TPST2: variants seen among roughly 807,000 people sequenced by gnomAD.
TPST2 encodes protein-tyrosine sulfotransferase 2.
In TPST2, 16 loss-of-function variants were observed where a neutral mutation model predicts 27.8. That is an observed-to-expected ratio of 0.58 (90% CI 0.39 to 0.88). The LOEUF (loss-of-function observed/expected upper bound fraction) is 0.88. Ranked by LOEUF, TPST2 falls within the 40% of genes least tolerant of loss-of-function variation. The pLI is 0.00. For missense variants in TPST2, 464 were observed against 543.1 expected, an observed-to-expected ratio of 0.85 and a Z score of 1.45; for synonymous variants, 229 against 231.7, an observed-to-expected ratio of 0.99 and a Z score of 0.10.
At chr22:26,583,414 G>A (rs1217756144) in intron 1 of TPST2, among the ~76,000 whole-genome samples, 3 of 131,628 alleles carry the variant, frequency 2.3e-5, no homozygotes, top group East Asian at 4.6e-4. Flanking sequence ...TCCAGCCTGG[G>A]CGACAGAAGG....
chr22:26,546,076 CAAAAAAAAAA>C (rs756682739), intron 1 of TPST2, among the ~76,000 whole-genome samples: 2 of 69,786 alleles, frequency 2.9e-5, no homozygotes, highest in Admixed American at 1.7e-4. Context: ...GACCACGTCT[CAAAAAAAAAA>C]AAAAAGAAAA....
chr22:26,553,333 G>GT (rs1446963717), intron 1 of TPST2, among the ~76,000 whole-genome samples: 1 of 151,126 alleles, frequency 6.6e-6, no homozygotes, highest in Non-Finnish European at 1.5e-5. Context: ...CTGTTGCCAC[G>GT]TAAGGACTAG....
In TPST2 at chr22:26,541,908, G is replaced by T. The variant is rs1925869004; in HGVS notation, c.-88-190C>A. ...TCAATTTTTTTTGTTTTTTTAAAGA[G>T]ATGGGGTCTCACCATGTTTCCCAGG... On this transcript the variant is annotated intron_variant, in intron 2 of 6. Transcript: ENST00000338754. The surrounding 1 kb of genome is among the most constrained non-coding windows in gnomAD (Gnocchi z 5.9). Among the ~76,000 whole-genome samples, 1 of 152,076 alleles carries T rather than the reference G, an allele frequency of 6.6e-6. No homozygotes were observed. Among genetic ancestry groups the T allele is most frequent in the African/African-American group, 2.4e-5 (1 of 41,392 alleles).
At chr22:26,579,122 C>A (rs1208060906) in intron 1 of TPST2, among the ~76,000 whole-genome samples, 1 of 152,204 alleles carries the variant, frequency 6.6e-6, no homozygotes, top group South Asian at 2.1e-4. Context: ...TCCCAGAGTG[C>A]TGGGATTATG....
At chr22:26,536,253 A>G (rs1925456018) in intron 4 of TPST2, 35 bp downstream of exon 4, 1 of 1,612,392 alleles carries the variant, frequency 6.2e-7, no homozygotes, top group South Asian at 1.1e-5. Context: ...CATATCCCCA[A>G]GAGTACACTT....
intron 1 of TPST2, among the ~76,000 whole-genome samples, chr22:26,589,245 T>G (rs1928459463): frequency 6.6e-6 from 1 of 151,996 alleles, no homozygotes; most frequent in Admixed American, 6.5e-5. Flanking sequence ...TTCTAATGAC[T>G]CTGCTGAGGT....
At chr22:26,555,940 G>A (rs564097093) in intron 1 of TPST2, among the ~76,000 whole-genome samples, 1 of 152,346 alleles carries the variant, frequency 6.6e-6, no homozygotes, top group East Asian at 1.9e-4. Flanking sequence ...GCAGCATGAG[G>A]ACTCAAACCC....
In TPST2 at chr22:26,541,186, C is replaced by T. The variant is rs370505161; in HGVS notation, c.445G>A (p.Gly149Arg). The T allele has an allele frequency of 1.9e-6, 3 of 1,593,426 alleles. No individual in the cohort carries two copies. The highest frequency in any genetic ancestry group is 2.6e-6 in the Non-Finnish European group (3 of 1,167,568). ...TTGCAGAGCACGCGGGCCGGCTCTC[C>T]GTGCTTGGCAATCACCTCCAGGATG... ...AFILEVIAKH[G>R]EPARVLCNKD... The change falls in exon 3 of 7, where the codon GGA (glycine) becomes AGA (arginine). Residue 149 changes from glycine (G) to arginine (R), a missense_variant. By Grantham distance (125) the Gly-to-Arg change is moderately radical. Transcript: ENST00000338754. This position sits in a 1 kb window ranked among gnomAD's most constrained non-coding sequence, Gnocchi z 5.9.
intron 1 of TPST2, among the ~76,000 whole-genome samples, chr22:26,555,515 C>A (rs908126660): frequency 1.3e-5 from 2 of 152,372 alleles, no homozygotes; most frequent in African/African-American, 4.8e-5. Context: ...AAAACGGCAC[C>A]TACCTTGTGG....
chr22:26,530,485 G>T (rs978433784), intron 5 of TPST2, among the ~76,000 whole-genome samples: 3 of 152,016 alleles, frequency 2.0e-5, no homozygotes, highest in African/African-American at 4.8e-5. Context: ...CCTCTCTTCT[G>T]TTGGGTACTG....
chr22:26,543,948 C>T (rs2147193320), intron 2 of TPST2, among the ~76,000 whole-genome samples: 1 of 152,306 alleles, frequency 6.6e-6, no homozygotes, highest in East Asian at 1.9e-4. Context: ...AGCTAGAGGG[C>T]CCAGCCCAGG....
intron 1 of TPST2, among the ~76,000 whole-genome samples, chr22:26,552,262 G>A (rs936424537): frequency 1.1e-4 from 17 of 152,132 alleles, no homozygotes; most frequent in African/African-American, 3.1e-4. Flanking sequence ...CGCGTGGTCC[G>A]GTCAGGTGGG....
intron 1 of TPST2, chr22:26,550,555 A>G: frequency 1.0e-6 from 1 of 981,100 alleles, no homozygotes; most frequent in Non-Finnish European, 1.2e-6. Context: ...GGGAGCTGGC[A>G]GTGCACAAAG....
chr22:26,570,052 A>AC (rs1470972998), intron 1 of TPST2, among the ~76,000 whole-genome samples: 154 of 143,514 alleles, frequency 1.1e-3, no homozygotes, highest in Non-Finnish European at 7.9e-4. Flanking sequence ...AGACAGAAAG[A>AC]AAGAAAGAAA....
intron 1 of TPST2, chr22:26,560,745 G>A: frequency 2.6e-6 from 3 of 1,166,668 alleles, no homozygotes; most frequent in Non-Finnish European, 3.9e-6. Flanking sequence ...TTACGAAAGA[G>A]AAATGAAAAC....
At chr22:26,527,762 CTGGCCCAACGGCCATGGGGGTTA>C (rs1461337567) in intron 6 of TPST2, among the ~76,000 whole-genome samples, 1 of 152,224 alleles carries the variant, frequency 6.6e-6, no homozygotes, top group Non-Finnish European at 1.5e-5. Context: ...GGACCAGTAC[CTGGCCCAACGGCCATGGGGGTTA>C]TTCTTAGAAC....
Position 26,541,817 on chromosome 22 carries a change from C to G in TPST2, c.-88-99G>C. On this transcript the variant is annotated intron_variant, in intron 2 of 6. Transcript: ENST00000338754. This position sits in a 1 kb window ranked among gnomAD's most constrained non-coding sequence, Gnocchi z 5.9. ...ATAACTGCAAACAAGAGGCTGCTGA[C>G]ATGAATGCAGAGGGCACCTTTCATA... is the stretch of plus-strand genomic sequence containing the variant. The G allele has an allele frequency of 8.4e-7, 1 of 1,187,746 alleles. No individual in the cohort carries two copies. Among genetic ancestry groups the G allele is most frequent in the Non-Finnish European group, 1.1e-6 (1 of 884,626 alleles). The allele number at this position is 1,187,746 out of a possible 1,614,324, so 73.6% of individuals were successfully genotyped here.
Position 26,540,773 on chromosome 22 carries a change from C to A in TPST2, c.842+16G>T. 6.4e-7 allele frequency: 1 copy of A among 1,555,194 alleles called. No homozygotes were observed. Among genetic ancestry groups the A allele is most frequent in the Non-Finnish European group, 8.7e-7 (1 of 1,148,294 alleles). On this transcript the variant is annotated intron_variant, in intron 3 of 6. Coordinates refer to ENST00000338754, the MANE Select transcript of TPST2 (RefSeq NM_003595.5). ...AGGGCCAGAGTCTGAGTGGAAGCAT[C>A]AGGGGCTCCACTCACTTGGACAGGG...
chr22:26,564,764 T>C (rs769573305), intron 1 of TPST2, among the ~76,000 whole-genome samples: 3 of 152,154 alleles, frequency 2.0e-5, no homozygotes, highest in Non-Finnish European at 4.4e-5. Context: ...AATGGGGAAA[T>C]TGAGGCCCAG....
Sources: gnomAD v4.1 joint callset for allele counts (sites outside exome capture counted in the v4.1 genomes callset) on GRCh38, gnomAD v4.1.1 for gene constraint, Gnocchi (gnomAD v3.1) non-coding constraint, MANE v1.5 for transcripts, NCBI Gene and HGNC (gene_info 2026-07-23, HGNC 2026-07-21) for gene names.